The following AUTS2 variants were observed in gnomAD, a reference collection of about 807,000 sequenced individuals.
The protein encoded by AUTS2 is activator of transcription and developmental regulator AUTS2.
In AUTS2, 17 loss-of-function variants were observed where a neutral mutation model predicts 112.4. The ratio of observed to expected loss-of-function variants is 0.15; its 90% CI spans 0.10 to 0.23. The LOEUF (loss-of-function observed/expected upper bound fraction) is 0.23. Ranked by LOEUF, AUTS2 falls within the 10% of genes least tolerant of loss-of-function variation. The pLI, the probability that AUTS2 is intolerant of heterozygous loss-of-function variation, is 1.00. For synonymous variants in AUTS2, 751 were observed against 702.7 expected (o/e 1.07, Z -1.09); for missense variants, 1,510 against 1,701.6 (o/e 0.89, Z 1.98).
At chr7:70,482,942 A>T (rs1268264673) in intron 5 of AUTS2, among the ~76,000 whole-genome samples, 9 of 152,160 alleles carry the variant, frequency 5.9e-5, no homozygotes, top group Admixed American at 5.9e-4. Context: ...ATTGTGTGGA[A>T]CTCAAAGCGG....
chr7:70,299,922 T>C (rs989114104), intron 4 of AUTS2, among the ~76,000 whole-genome samples: 4 of 152,086 alleles, frequency 2.6e-5, no homozygotes, highest in African/African-American at 9.7e-5. Flanking sequence ...CCATAACATG[T>C]AGTCTGATGC....
At chr7:69,827,855 T>G (rs777464333) in intron 1 of AUTS2, among the ~76,000 whole-genome samples, 9 of 152,346 alleles carry the variant, frequency 5.9e-5, no homozygotes, top group Non-Finnish European at 1.3e-4. Context: ...GTGAATATGC[T>G]GGTTCCCACA....
intron 4 of AUTS2, among the ~76,000 whole-genome samples, chr7:70,249,060 T>G (rs1055887795): frequency 6.6e-6 from 1 of 152,228 alleles, no homozygotes; most frequent in African/African-American, 2.4e-5. Context: ...AAGTTTCACT[T>G]TGAATATTGA....
At chr7:70,320,970 C>T (rs1790227788) in intron 4 of AUTS2, among the ~76,000 whole-genome samples, 1 of 152,206 alleles carries the variant, frequency 6.6e-6, no homozygotes, top group African/African-American at 2.4e-5. Context: ...TGAGTGACCA[C>T]AGGCAGTAAA....
chr7:70,140,755 T>G (rs1232361325), intron 4 of AUTS2, among the ~76,000 whole-genome samples: 1 of 152,196 alleles, frequency 6.6e-6, no homozygotes, highest in Admixed American at 6.5e-5. Context: ...TCTATTATAA[T>G]GGAAATATTT....
intron 5 of AUTS2, among the ~76,000 whole-genome samples, chr7:70,593,518 G>A (rs977314048): frequency 6.6e-6 from 1 of 152,088 alleles, no homozygotes; most frequent in African/African-American, 2.4e-5. Flanking sequence ...GAGAGGACCT[G>A]CATTTCAGTG....
Position 69,980,583 on chromosome 7 carries a change from G to A in AUTS2, c.522+81085G>A, listed in dbSNP as rs1798254453. ...CATTTATGAACTGGAAACAGTTAAA[G>A]CTTGAAACTGTTAAAAAAAAAAAGT... On this transcript the variant is annotated intron_variant, in intron 2 of 18. Coordinates refer to ENST00000342771, the MANE Select transcript of AUTS2 (RefSeq NM_015570.4). Among the ~76,000 whole-genome samples, 7 of 151,814 alleles carry A rather than the reference G, an allele frequency of 4.6e-5. No individual in the cohort carries two copies. In the South Asian group the frequency reaches 1.5e-3, roughly 32 times the overall value.
At chr7:70,643,638 T>C (rs73179495) in intron 5 of AUTS2, among the ~76,000 whole-genome samples, 14,133 of 152,296 alleles carry the variant, frequency 0.093, 827 homozygotes, top group Non-Finnish European at 0.14. Context: ...TGTCCTCTGC[T>C]GATTTTCTGA....
intron 4 of AUTS2, among the ~76,000 whole-genome samples, chr7:70,401,653 T>C (rs1338183116): frequency 1.3e-5 from 2 of 152,112 alleles, no homozygotes; most frequent in East Asian, 3.9e-4. Flanking sequence ...TTAGGAGTCA[T>C]ATGCAGATGA....
At chr7:70,418,146 C>T (rs1795068703) in intron 4 of AUTS2, among the ~76,000 whole-genome samples, 2 of 150,888 alleles carry the variant, frequency 1.3e-5, no homozygotes, top group African/African-American at 4.9e-5. Context: ...CCATGTTGCC[C>T]CAGCTGATCT....
At chr7:69,978,503 T>G (rs1798149376) in intron 2 of AUTS2, among the ~76,000 whole-genome samples, 1 of 152,168 alleles carries the variant, frequency 6.6e-6, no homozygotes, top group Non-Finnish European at 1.5e-5. Flanking sequence ...CACTTTTTGT[T>G]TGATAAGAAG....
chr7:70,782,745 AC>A (rs1170824186), intron 15 of AUTS2: 1 of 152,238 alleles, frequency 6.6e-6, no homozygotes, highest in Admixed American at 6.5e-5. Context: ...GACAAGTCTT[AC>A]AGCCATCCTG....
At chr7:70,474,443 A>T (rs1268583173) in intron 5 of AUTS2, among the ~76,000 whole-genome samples, 1 of 152,166 alleles carries the variant, frequency 6.6e-6, no homozygotes, top group Non-Finnish European at 1.5e-5. Context: ...GTCTTATAAC[A>T]GTCATGGTCC....
At chr7:69,834,969 A>G (rs917471181) in intron 1 of AUTS2, among the ~76,000 whole-genome samples, 3 of 150,588 alleles carry the variant, frequency 2.0e-5, no homozygotes, top group African/African-American at 7.3e-5. Context: ...TTTTCTCTGT[A>G]CTCCATGCAT....
intron 5 of AUTS2, among the ~76,000 whole-genome samples, chr7:70,522,293 T>G (rs959766003): frequency 2.6e-5 from 4 of 152,190 alleles, no homozygotes; most frequent in African/African-American, 9.7e-5. Context: ...TATGGGAAAC[T>G]TTTTTTATAA....
At chr7:70,697,364 TTAAAA>T (rs896582088) in intron 5 of AUTS2, among the ~76,000 whole-genome samples, 4 of 152,210 alleles carry the variant, frequency 2.6e-5, no homozygotes, top group South Asian at 4.1e-4. Context: ...AATGTTAGAA[TTAAAA>T]TAAAGCAAAA....
chr7:70,382,814 C>T (rs565500665), intron 4 of AUTS2, among the ~76,000 whole-genome samples: 5 of 152,212 alleles, frequency 3.3e-5, no homozygotes, highest in East Asian at 1.9e-4. Flanking sequence ...TATGGTCATT[C>T]TCTTCCTTTT....
intron 1 of AUTS2, among the ~76,000 whole-genome samples, chr7:69,637,374 A>C (rs1289102289): frequency 6.6e-6 from 1 of 152,212 alleles, no homozygotes; most frequent in Non-Finnish European, 1.5e-5. Context: ...GATATTCAGG[A>C]GTACAGTATA....
intron 2 of AUTS2, among the ~76,000 whole-genome samples, chr7:70,117,523 G>A (rs1418104072): frequency 6.6e-6 from 1 of 151,928 alleles, no homozygotes; most frequent in Non-Finnish European, 1.5e-5. Context: ...AAATTGCAGT[G>A]GAACAGAAGA....
Sources: allele counts gnomAD v4.1 joint callset (sites outside exome capture counted in the v4.1 genomes callset), GRCh38; gene constraint gnomAD v4.1.1; transcripts MANE v1.5; gene names NCBI Gene and HGNC (gene_info 2026-07-23, HGNC 2026-07-21).